Variants in LUC7L observed in about 807,000 individuals in gnomAD.
LUC7L encodes the protein putative RNA-binding protein Luc7-like 1.
A neutral mutation model predicts 51.1 loss-of-function variants in LUC7L; 29 were observed. The ratio of observed to expected loss-of-function variants is 0.57; its 90% confidence interval spans 0.42 to 0.77. The LOEUF is 0.77. Among genes scored for constraint, LUC7L ranks in the 30% least tolerant of loss-of-function variants. The pLI is 0.00. For synonymous variants in LUC7L, 181 were observed against 180.7 expected (o/e 1.00, Z -0.01); for missense variants, 403 against 511.9 (o/e 0.79, Z 2.05).
chr16:203,661 T>C (rs28491724), intron 5 of LUC7L, among the ~76,000 whole-genome samples: 9,674 of 142,414 alleles, frequency 0.068, 1,043 homozygotes, highest in African/African-American at 0.23. Context: ...TGAGCCAAGA[T>C]CGCGCCACTG....
chr16:206,254 G>A lies in LUC7L; in HGVS notation c.367-107C>T, dbSNP rs1203976. 2.8e-3 allele frequency: 3,054 copies of A among 1,096,792 alleles called. 10 individuals carry two copies. The highest frequency in any genetic ancestry group is 7.7e-3 in the African/African-American group (484 of 62,902). 67.9% of individuals were successfully genotyped at this position (1,096,792 alleles called of 1,614,324 possible). A position where few individuals can be genotyped will look rare whatever the true frequency, so the allele number is the denominator to read the frequency against. ...TTCCAGTCTGAAAATAAGTGGAAGA[G>A]CTAAAGATCCACACTTAACAATGAA... On this transcript the variant is annotated intron_variant, in intron 4 of 9. Transcript: ENST00000293872.
At chr16:194,067 T>C (rs1336932735) in intron 6 of LUC7L, among the ~76,000 whole-genome samples, 1 of 151,896 alleles carries the variant, frequency 6.6e-6, no homozygotes, top group African/African-American at 2.4e-5. Flanking sequence ...CCTCCCACAG[T>C]GCTGGGATTA....
intron 2 of LUC7L, among the ~76,000 whole-genome samples, chr16:225,554 TCGG>T (rs1469756295): frequency 2.1e-5 from 3 of 142,156 alleles, no homozygotes; most frequent in African/African-American, 7.8e-5. Flanking sequence ...TGGCTCGATC[TCGG>T]CTCACCACAA....
At chr16:218,205 A>G (rs2049863343) in intron 3 of LUC7L, among the ~76,000 whole-genome samples, 1 of 151,620 alleles carries the variant, frequency 6.6e-6, no homozygotes, top group African/African-American at 2.4e-5. Flanking sequence ...AAAAAAAAAA[A>G]GGAAGAATTT....
chr16:227,302 A>T lies in LUC7L; in HGVS notation c.96T>A (p.Asp32Glu), dbSNP rs1156993311. 3 of 1,612,230 alleles carry T rather than the reference A, an allele frequency of 1.9e-6. No homozygotes were observed. Among genetic ancestry groups the T allele is most frequent in the East Asian group, 2.2e-5 (1 of 44,902 alleles). The change falls in exon 2 of 10, where the codon GAT becomes GAA. Residue 32 changes from aspartate (D) to glutamate (E), a missense_variant. Physicochemically the swap from Asp to Glu is conservative, Grantham distance 45. Transcript: ENST00000293872. ...GAAGGTGACTCTTGCAGACACGGTC[A>T]TCTGTAAACTTGACCCTCTGTCTGG... is the stretch of plus-strand genomic sequence containing the variant. ...DETRQRVKFTDDRVCKSHLLD... is the reference protein window; with the variant it reads ...DETRQRVKFTEDRVCKSHLLD...
intron 5 of LUC7L, among the ~76,000 whole-genome samples, chr16:202,376 C>T (rs2049359327): frequency 6.6e-6 from 1 of 152,112 alleles, no homozygotes; most frequent in South Asian, 2.1e-4. Flanking sequence ...CCCACTAGAC[C>T]CCACCTCCAA....
intron 3 of LUC7L, among the ~76,000 whole-genome samples, chr16:212,961 G>A (rs1257955269): frequency 6.6e-6 from 1 of 152,052 alleles, no homozygotes; most frequent in East Asian, 1.9e-4. Flanking sequence ...TGATTTTGTA[G>A]AGACTTTGCC....
intron 3 of LUC7L, among the ~76,000 whole-genome samples, chr16:213,624 C>T (rs570528321): frequency 5.3e-5 from 8 of 152,202 alleles, no homozygotes; most frequent in Admixed American, 2.0e-4. Flanking sequence ...AGACTGGTCT[C>T]GAACTCCTGA....
At chr16:216,549 A>G (rs1245706348) in intron 3 of LUC7L, among the ~76,000 whole-genome samples, 1 of 150,900 alleles carries the variant, frequency 6.6e-6, no homozygotes, top group African/African-American at 2.4e-5. Context: ...TGACCGGCTG[A>G]TTTTTGTATT....
chr16:201,304 T>C (rs1191123589), intron 5 of LUC7L, among the ~76,000 whole-genome samples: 1 of 141,056 alleles, frequency 7.1e-6, no homozygotes, highest in African/African-American at 2.7e-5. Flanking sequence ...CAAATATTCA[T>C]AACATTACTC....
At chr16:207,582 TAA>T (rs1265860582) in intron 4 of LUC7L, among the ~76,000 whole-genome samples, 1 of 151,964 alleles carries the variant, frequency 6.6e-6, no homozygotes, top group Non-Finnish European at 1.5e-5. Flanking sequence ...ATGGAGAGAA[TAA>T]AAAGACAGAG....
At chr16:197,100 GTTTCACCTTGTTAGCCAGGA>G (rs2049172006) in intron 6 of LUC7L, among the ~76,000 whole-genome samples, 1 of 150,340 alleles carries the variant, frequency 6.7e-6, no homozygotes, top group Non-Finnish European at 1.5e-5. Context: ...TAGAGACGGG[GTTTCACCTTGTTAGCCAGGA>G]TGGTCTCAAT....
At chr16:203,977 C>T (rs1463686463) in intron 5 of LUC7L, among the ~76,000 whole-genome samples, 1 of 152,108 alleles carries the variant, frequency 6.6e-6, no homozygotes, top group Non-Finnish European at 1.5e-5. Flanking sequence ...GATCACGCCA[C>T]TGCACTCCAG....
intron 3 of LUC7L, among the ~76,000 whole-genome samples, chr16:213,068 T>G (rs572681790): frequency 6.6e-6 from 1 of 152,244 alleles, no homozygotes; most frequent in Admixed American, 6.5e-5. Flanking sequence ...CCTGGCCATC[T>G]GTAACTTTTT....
Position 220,649 on chromosome 16 carries a change from A to G in LUC7L, c.255T>C (p.Asp85=), listed in dbSNP as rs2049938992. 9.4e-6 allele frequency: 15 copies of G among 1,603,846 alleles called. No homozygotes were observed. The highest frequency in any genetic ancestry group is 3.3e-5 in the Admixed American group (2 of 59,720). ...TAAATCAACATTAAATAAAACTTAC[A>G]TCTAATTCAAAAAACAGGTCTCTTT... ...SKERDLFFEL[D]AMDHLESFIA... The change falls in exon 3 of 10, where the codon GAT becomes GAC. Residue 85 remains aspartate, a splice_region_variant and synonymous_variant. Transcript: ENST00000293872.
chr16:227,493 G>A (rs752339797), intron 1 of LUC7L, 157 bp from the exon 2 acceptor site: 103 of 1,447,162 alleles, frequency 7.1e-5, no homozygotes, highest in Admixed American at 1.0e-4. Flanking sequence ...ATTTACAACT[G>A]GAGTGGAATA....
At position 229,307 on chromosome 16, in the gene LUC7L, C is replaced by G; in HGVS notation, c.33G>C (p.Leu11=). 1.3e-6 allele frequency: 2 copies of G among 1,534,976 alleles called. No homozygotes were observed. Among genetic ancestry groups the G allele is most frequent in the Non-Finnish European group, 8.7e-7 (1 of 1,147,934 alleles). MSAQAQMRAL[L]DQLMGTARDG... ...CCCGAGCCGTGCCCATGAGCTGGTC[C>G]AGCAGGGCCCGCATCTGCGCCTGGG... is the stretch of plus-strand genomic sequence containing the variant. The change falls in exon 1 of 10, where the codon CTG becomes CTC. Residue 11 remains leucine, a synonymous_variant. Coordinates refer to ENST00000293872, the MANE Select transcript of LUC7L (RefSeq NM_201412.3).
At chr16:222,628 CCTGT>C (rs915593748) in intron 2 of LUC7L, among the ~76,000 whole-genome samples, 1 of 151,738 alleles carries the variant, frequency 6.6e-6, no homozygotes, top group African/African-American at 2.4e-5. Flanking sequence ...AACAGAGACC[CCTGT>C]CTTTTTAATT....
chr16:189,005 A>T lies in LUC7L; in HGVS notation c.*193T>A, dbSNP rs2048937502. ...CCCCGCAGCCTCAGGAGGCAGCATC[A>T]GATTTATTTATTCCTACTCAACATG... On this transcript the variant is annotated 3_prime_UTR_variant, in exon 10 of 10. Transcript: ENST00000293872. The T allele has an allele frequency of 5.2e-6, 3 of 581,482 alleles. No individual in the cohort carries two copies. The African/African-American group carries it at 5.5e-5, about 11-fold the overall frequency. 36.0% of individuals were successfully genotyped at this position (581,482 alleles called of 1,614,324 possible).
Sources: gnomAD v4.1 joint callset for allele counts (sites outside exome capture counted in the v4.1 genomes callset) on GRCh38, gnomAD v4.1.1 for gene constraint, MANE v1.5 for transcripts, NCBI Gene and HGNC (gene_info 2026-07-23, HGNC 2026-07-21) for gene names.